SLC5A4: variants seen among roughly 807,000 people sequenced by gnomAD.
The protein encoded by SLC5A4 is solute carrier family 5 member 4.
SLC5A4 carries 55 observed loss-of-function variants against 70.3 expected under a neutral mutation model. The observed-to-expected ratio is 0.78, with a 90% CI of 0.63 to 0.98. The LOEUF (loss-of-function observed/expected upper bound fraction) is 0.98, where lower values mean the gene tolerates loss of function less well. Ranked by LOEUF, SLC5A4 falls within the 50% of genes least tolerant of loss-of-function variation. The pLI, the probability that SLC5A4 is intolerant of heterozygous loss-of-function variation, is 0.00. For missense variants in SLC5A4, 735 were observed against 839.2 expected (o/e 0.88, Z 1.53); for synonymous variants, 268 against 305.7 (o/e 0.88, Z 1.29).
chr22:32,308,567 G>A, the SLC5A4 span, among the ~76,000 whole-genome samples: 5 of 152,212 alleles, frequency 3.3e-5, no homozygotes, highest in African/African-American at 1.2e-4. Context: ...CCTGGCCAAA[G>A]AAGCCTGTTA....
chr22:32,354,437 G>A, the SLC5A4 span, among the ~76,000 whole-genome samples: 2,343 of 150,020 alleles, frequency 0.016, 60 homozygotes, highest in African/African-American at 0.053. Flanking sequence ...GCTTCTAGAC[G>A]CAGGCAATGA....
the SLC5A4 span, among the ~76,000 whole-genome samples, chr22:32,352,885 C>G: frequency 3.9e-5 from 6 of 152,248 alleles, no homozygotes; most frequent in African/African-American, 2.4e-5. Flanking sequence ...ACCACTCCAG[C>G]GCTGAGTCTT....
the SLC5A4 span, among the ~76,000 whole-genome samples, chr22:32,334,745 C>G: frequency 6.6e-6 from 1 of 152,184 alleles, no homozygotes; most frequent in Non-Finnish European, 1.5e-5. Flanking sequence ...GGGAGGACGT[C>G]AGCGGCACTC....
chr22:32,257,659 C>CTTT (rs58908133), upstream of SLC5A4, among the ~76,000 whole-genome samples: 11 of 141,932 alleles, frequency 7.8e-5, no homozygotes, highest in African/African-American at 2.7e-4. Context: ...GCAAGGTTTT[C>CTTT]TTTTTTTTTT....
the SLC5A4 span, chr22:32,269,666 G>A: frequency 2.0e-5 from 12 of 594,454 alleles, no homozygotes; most frequent in Admixed American, 2.4e-4. This position sits in a 1 kb window ranked among gnomAD's most constrained non-coding sequence, Gnocchi z 4.1. Context: ...TCAGCTCGCT[G>A]TTATACCTGA....
intron 10 of SLC5A4, among the ~76,000 whole-genome samples, chr22:32,230,087 C>T (rs1925658216): frequency 6.6e-6 from 1 of 152,128 alleles, no homozygotes. Context: ...TCCCTCTGCC[C>T]ATTAGTAACG....
In SLC5A4 at chr22:32,237,133, A is replaced by C. The variant is rs566830459; in HGVS notation, c.664+111T>G. ...ATGGGGATTATGTAAATGACTGGAA[A>C]GTGTGACCAGATGGAACTGGAAGGC... On this transcript the variant is annotated intron_variant, in intron 7 of 14. Coordinates refer to ENST00000266086, the MANE Select transcript of SLC5A4 (RefSeq NM_014227.3). The C allele has an allele frequency of 2.8e-5, 21 of 745,248 alleles. No homozygotes were observed. In the South Asian group the frequency reaches 2.9e-4, roughly 10 times the overall value. The allele number at this position is 745,248 out of a possible 1,614,324, so 46.2% of individuals were successfully genotyped here. A position where few individuals can be genotyped will look rare whatever the true frequency, so the allele number is the denominator to read the frequency against.
chr22:32,294,394 GTACAGAGACATTCTTT>G, the SLC5A4 span, among the ~76,000 whole-genome samples: 9 of 152,002 alleles, frequency 5.9e-5, no homozygotes, highest in Non-Finnish European at 1.0e-4. Flanking sequence ...GTGAGAAGTA[GTACAGAGACATTCTTT>G]TACTTGGTTT....
chr22:32,312,403 G>C, the SLC5A4 span, among the ~76,000 whole-genome samples: 1 of 143,178 alleles, frequency 7.0e-6, no homozygotes, highest in African/African-American at 2.6e-5. Flanking sequence ...TCAATATTCT[G>C]ACACAAATAG....
the SLC5A4 span, among the ~76,000 whole-genome samples, chr22:32,261,157 T>C: frequency 2.0e-5 from 3 of 151,982 alleles, no homozygotes; most frequent in Non-Finnish European, 4.4e-5. Context: ...CTAAACAATA[T>C]GCACAGGGGA....
At chr22:32,280,241 C>T in the SLC5A4 span, among the ~76,000 whole-genome samples, 1 of 151,530 alleles carries the variant, frequency 6.6e-6, no homozygotes, top group Non-Finnish European at 1.5e-5. Flanking sequence ...GTCTTGAACT[C>T]CTGACCCCAA....
chr22:32,223,541 G>A lies in SLC5A4; in HGVS notation c.1665+726C>T, dbSNP rs552415947. The stretch of plus-strand genomic sequence containing the variant: ...TCTATTCTTTCTTTTCCTGCCCCCT[G>A]GTACCATGTACTTTCCCCCCATCTC... On this transcript the variant is annotated intron_variant, in intron 13 of 14. Coordinates refer to ENST00000266086, the MANE Select transcript of SLC5A4 (RefSeq NM_014227.3). 2.5e-4 allele frequency among the ~76,000 whole-genome samples: 38 copies of A among 151,940 alleles called. 2 individuals carry two copies. In the South Asian group the frequency reaches 7.5e-3, roughly 30 times the overall value.
the SLC5A4 span, among the ~76,000 whole-genome samples, chr22:32,300,744 A>G: frequency 1.3e-5 from 2 of 152,082 alleles, no homozygotes; most frequent in African/African-American, 2.4e-5. Context: ...GTTACTTTTT[A>G]TTGTTGCATA....
At chr22:32,271,549 G>A in the SLC5A4 span, 6 of 704,222 alleles carry the variant, frequency 8.5e-6, no homozygotes, top group African/African-American at 1.8e-5. Context: ...GCAGGTGGCC[G>A]CACAGAGGAG....
At chr22:32,282,990 G>T in the SLC5A4 span, among the ~76,000 whole-genome samples, 1 of 152,178 alleles carries the variant, frequency 6.6e-6, no homozygotes, top group Admixed American at 6.5e-5. Context: ...CGGTAAGCCA[G>T]ATTATGCTGC....
At chr22:32,227,741 T>TC (rs1925486614) in intron 11 of SLC5A4, among the ~76,000 whole-genome samples, 2 of 151,888 alleles carry the variant, frequency 1.3e-5, no homozygotes, top group South Asian at 4.2e-4. Context: ...ATCAAGACCA[T>TC]CTGGCCAACA....
chr22:32,329,558 G>GGT, the SLC5A4 span, among the ~76,000 whole-genome samples: 12 of 147,188 alleles, frequency 8.2e-5, no homozygotes, highest in South Asian at 2.2e-4. Flanking sequence ...GAGGGGCTCT[G>GGT]GTGTGTGTGT....
chr22:32,320,901 C>G, the SLC5A4 span, among the ~76,000 whole-genome samples: 55 of 151,756 alleles, frequency 3.6e-4, no homozygotes, highest in Non-Finnish European at 6.8e-4. Flanking sequence ...CAACCTCTCT[C>G]TGTGTACTTC....
intron 5 of SLC5A4, among the ~76,000 whole-genome samples, chr22:32,239,745 C>G (rs973621970): frequency 6.8e-6 from 1 of 147,204 alleles, no homozygotes; most frequent in Non-Finnish European, 1.5e-5. Context: ...TACCAAACGG[C>G]CGGGTGCGGT....
Sources: allele counts gnomAD v4.1 joint callset (sites outside exome capture counted in the v4.1 genomes callset), GRCh38; gene constraint gnomAD v4.1.1; non-coding constraint Gnocchi (gnomAD v3.1); transcripts MANE v1.5; gene names NCBI Gene and HGNC (gene_info 2026-07-23, HGNC 2026-07-21).